The following TMEM35A variants were observed in gnomAD, a reference collection of about 807,000 sequenced individuals.
TMEM35A encodes transmembrane protein 35A.
For missense variants in TMEM35A, 83 were observed against 132.7 expected, an observed-to-expected ratio of 0.63 and a Z score of 1.84; for synonymous variants, 50 against 54.7, an observed-to-expected ratio of 0.91 and a Z score of 0.38.
intron 1 of TMEM35A, among the ~76,000 whole-genome samples, chrX:101,085,431 T>C (rs771566655): frequency 1.0e-4 from 11 of 109,942 alleles, no homozygotes; most frequent in Non-Finnish European, 1.9e-4. Context: ...TGAAACCCCA[T>C]CTCTACCAAA....
chrX:101,079,324 T>C (rs1385882264), intron 1 of TMEM35A, among the ~76,000 whole-genome samples: 1 of 110,749 alleles, frequency 9.0e-6, no homozygotes, highest in Non-Finnish European at 1.9e-5. Context: ...CTGGAGCCAC[T>C]GAATGCCAGT....
intron 1 of TMEM35A, among the ~76,000 whole-genome samples, chrX:101,086,843 A>G (rs2089308564): frequency 9.0e-6 from 1 of 111,270 alleles, no homozygotes; most frequent in South Asian, 3.8e-4. Context: ...CATACAATTA[A>G]AGTCTTTAGA....
chrX:101,090,357 A>G (rs1186749018), intron 1 of TMEM35A, among the ~76,000 whole-genome samples: 2 of 100,744 alleles, frequency 2.0e-5, no homozygotes, highest in Non-Finnish European at 4.0e-5. Context: ...TAGTAGAGAC[A>G]GGGTTTCGCC....
chrX:101,086,949 ATTCT>A (rs1318588586), intron 1 of TMEM35A, among the ~76,000 whole-genome samples: 4 of 71,952 alleles, frequency 5.6e-5, no homozygotes, highest in Non-Finnish European at 1.1e-4. Context: ...CAATAATAGG[ATTCT>A]TTTTTTTTTT....
At chrX:101,086,403 G>C (rs991836861) in intron 1 of TMEM35A, among the ~76,000 whole-genome samples, 58 of 112,414 alleles carry the variant, frequency 5.2e-4, no homozygotes, top group African/African-American at 8.7e-4. Context: ...TTATAGGCGT[G>C]AGCCACTGCA....
In TMEM35A at chrX:101,094,857, C is replaced by T. The variant is rs777947185; in HGVS notation, c.405C>T (p.Pro135=). ...GCCGCCTGCTGATTGCTCGCAAGCC[C>T]GAAGACCGGTCTTCTGAGAAGAAGC... is the stretch of plus-strand genomic sequence containing the variant. The part of the protein sequence containing the change: ...LTCRLLIARK[P]EDRSSEKKPL... The change falls in exon 2 of 2, where the codon CCC becomes CCT. Residue 135 remains proline (P), a synonymous_variant. Coordinates refer to ENST00000372930, the MANE Select transcript of TMEM35A (RefSeq NM_021637.3). 1.6e-5 allele frequency: 19 copies of T among 1,208,241 alleles called. No homozygotes were observed. Among genetic ancestry groups the T allele is most frequent in the Non-Finnish European group, 1.8e-5 (16 of 895,182 alleles).
intron 1 of TMEM35A, among the ~76,000 whole-genome samples, chrX:101,085,162 G>A (rs1404514409): frequency 1.8e-5 from 2 of 111,792 alleles, no homozygotes; most frequent in Non-Finnish European, 3.8e-5. Flanking sequence ...CCTGTTAGCT[G>A]GCTTGGGCTG....
chrX:101,085,413 C>T (rs1177714204), intron 1 of TMEM35A, among the ~76,000 whole-genome samples: 1 of 110,025 alleles, frequency 9.1e-6, no homozygotes. Flanking sequence ...CCAGCCTGGC[C>T]AACATGGTGA....
chrX:101,089,526 G>A (rs777981506), intron 1 of TMEM35A, among the ~76,000 whole-genome samples: 26 of 106,978 alleles, frequency 2.4e-4, no homozygotes, highest in Non-Finnish European at 4.4e-4. Flanking sequence ...ACTAGAAAGC[G>A]GCAGGATCAC....
At chrX:101,082,888 AC>A (rs1371870273) in intron 1 of TMEM35A, among the ~76,000 whole-genome samples, 4 of 110,924 alleles carry the variant, frequency 3.6e-5, no homozygotes, top group African/African-American at 1.3e-4. Context: ...CAGGTGATCC[AC>A]CCATCTCAGC....
intron 1 of TMEM35A, among the ~76,000 whole-genome samples, chrX:101,094,123 AT>A (rs1248678416): frequency 7.9e-4 from 82 of 104,378 alleles, no homozygotes; most frequent in East Asian, 5.9e-4. Flanking sequence ...TTGTGTTTGG[AT>A]TTTTTTTTTT....
At chrX:101,079,147 G>A (rs748284791) in intron 1 of TMEM35A, 25 bp downstream of exon 1, 1 of 1,208,295 alleles carries the variant, frequency 8.3e-7, no homozygotes, top group Admixed American at 2.2e-5. Context: ...CGGGTGATGA[G>A]GAGCGCACTC....
At chrX:101,092,852 C>G (rs1283483539) in intron 1 of TMEM35A, among the ~76,000 whole-genome samples, 3 of 110,880 alleles carry the variant, frequency 2.7e-5, no homozygotes, top group African/African-American at 9.8e-5. Context: ...CAGAGTGAGA[C>G]TCCGTCTCAA....
At chrX:101,080,573 G>A (rs1322371891) in intron 1 of TMEM35A, among the ~76,000 whole-genome samples, 1 of 109,917 alleles carries the variant, frequency 9.1e-6, no homozygotes, top group Non-Finnish European at 1.9e-5. Context: ...ATGAGTACCC[G>A]AGGCAGCCTG....
chrX:101,082,599 A>G (rs2089295966), intron 1 of TMEM35A, among the ~76,000 whole-genome samples: 3 of 109,826 alleles, frequency 2.7e-5, no homozygotes, highest in African/African-American at 1.0e-4. Context: ...TGGTTTCCTA[A>G]CTGATTTAAA....
intron 1 of TMEM35A, among the ~76,000 whole-genome samples, chrX:101,091,897 A>G (rs1282380225): frequency 9.0e-6 from 1 of 111,077 alleles, no homozygotes; most frequent in Non-Finnish European, 1.9e-5. Context: ...TTCAGGCTGG[A>G]GTGCCTCACC....
At chrX:101,090,859 C>T (rs1277251202) in intron 1 of TMEM35A, among the ~76,000 whole-genome samples, 3 of 99,767 alleles carry the variant, frequency 3.0e-5, no homozygotes, top group Non-Finnish European at 6.0e-5. Flanking sequence ...TTTTTTGAGA[C>T]GGAGTCTTGT....
At chrX:101,092,657 C>T (rs1185740320) in intron 1 of TMEM35A, among the ~76,000 whole-genome samples, 1 of 108,027 alleles carries the variant, frequency 9.3e-6, no homozygotes, top group African/African-American at 3.4e-5. Context: ...GTCAGGAGTT[C>T]GAGACCAGCC....
At chrX:101,082,133 C>CTTTTTTTTTTTTTTTTTTTT in intron 1 of TMEM35A, among the ~76,000 whole-genome samples, 2 of 20,482 alleles carry the variant, frequency 9.8e-5, no homozygotes, top group African/African-American at 1.7e-4. Flanking sequence ...TTCTTTCTTT[C>CTTTTTTTTTTTTTTTTTTTT]TTTTTTTTTT....
Sources: gnomAD v4.1 joint callset for allele counts (sites outside exome capture counted in the v4.1 genomes callset) on GRCh38, gnomAD v4.1.1 for gene constraint, MANE v1.5 for transcripts, NCBI Gene and HGNC (gene_info 2026-07-23, HGNC 2026-07-21) for gene names.